The following TMEM94 variants were observed in gnomAD, a reference collection of about 807,000 sequenced individuals.
TMEM94 encodes ER Mg2+ ATPase.
Under a neutral mutation model 158.6 loss-of-function variants are expected in TMEM94, and 81 were observed. That is an observed-to-expected ratio of 0.51 (90% confidence interval 0.43 to 0.61). The LOEUF is 0.61. TMEM94 is among the 20% of genes least tolerant of loss of function. The probability of loss-of-function intolerance (pLI) is 0.00; values close to 1 mark genes in which losing one functional copy is unlikely to be tolerated. For missense variants in TMEM94, 1,435 were observed against 1,762.0 expected, an observed-to-expected ratio of 0.81 and a Z score of 3.32; for synonymous variants, 751 against 730.7, an observed-to-expected ratio of 1.03 and a Z score of -0.45.
At chr17:75,482,170 C>A (rs981110816) in intron 2 of TMEM94, among the ~76,000 whole-genome samples, 1 of 152,056 alleles carries the variant, frequency 6.6e-6, no homozygotes. Context: ...TGGTGAAACT[C>A]GGTCTCTACT....
chr17:75,470,172 G>A (rs897026008), intron 1 of TMEM94, among the ~76,000 whole-genome samples: 8 of 152,174 alleles, frequency 5.3e-5, no homozygotes, highest in African/African-American at 1.4e-4. Flanking sequence ...CTTTGAAAAT[G>A]AAGGTTGAGG....
rs755680575 is a variant in TMEM94 at position 75,495,322 on chromosome 17, G to A, written c.2767G>A (p.Glu923Lys). The A allele has an allele frequency of 6.2e-7, 1 of 1,613,722 alleles. No individual in the cohort carries two copies. The highest frequency in any genetic ancestry group is 8.5e-7 in the Non-Finnish European group (1 of 1,179,888). The stretch of plus-strand genomic sequence containing the variant: ...TGCAGAAGGGCTCCTCCTCATGGAG[G>A]AGGAGGGCCACTCGGACCTCATCAG... ...DDAEGLLLME[E>K]EGHSDLISFQ... The change falls in exon 21 of 32, where the codon GAG becomes AAG. Residue 923 changes from glutamate (E) to lysine (K), a missense_variant. This residue lies in a region of TMEM94 where 1,051 missense variants were observed against 1,254.4 expected (regional missense o/e 0.84). Transcript: ENST00000314256. The surrounding 1 kb of genome is among the most constrained non-coding windows in gnomAD (Gnocchi z 5.6).
chr17:75,496,291 G>A lies in TMEM94; in HGVS notation c.3063G>A (p.Leu1021=). The A allele has an allele frequency of 6.2e-7, 1 of 1,614,192 alleles. No homozygotes were observed. The highest frequency in any genetic ancestry group is 8.5e-7 in the Non-Finnish European group (1 of 1,180,042). ...LFLQSDISIA[L]DPLYPSRCSW... is the part of the protein sequence containing the mutation. Reference sequence around the variant, plus strand: ...CCCCCACCCTGAGCAGCATTGCCCTGGATCCCCTGTACCCATCCCGTTGCT... The same window carrying A: ...CCCCCACCCTGAGCAGCATTGCCCTAGATCCCCTGTACCCATCCCGTTGCT... The change falls in exon 24 of 32, where the codon CTG becomes CTA. Residue 1021 remains leucine (L), a synonymous_variant. Coordinates refer to ENST00000314256, the MANE Select transcript of TMEM94 (RefSeq NM_014738.6).
In TMEM94 at chr17:75,497,762, C is replaced by G; in HGVS notation, c.3408-19C>G. On this transcript the variant is annotated intron_variant, in intron 26 of 31. Transcript: ENST00000314256. ...GAGGGTCATTGTCACCATCCCTCTA[C>G]CTGATCTCTGCTTTTCAGCATCTCT... 1 of 1,602,180 alleles carries G rather than the reference C, an allele frequency of 6.2e-7. No individual in the cohort carries two copies. The highest frequency in any genetic ancestry group is 8.6e-7 in the Non-Finnish European group (1 of 1,169,086).
intron 25 of TMEM94, 132 bp from the exon 26 acceptor site, chr17:75,496,981 C>T (rs2052756925): frequency 1.0e-6 from 1 of 1,004,994 alleles, no homozygotes; most frequent in Non-Finnish European, 1.5e-6. Context: ...GAAGAGTATT[C>T]CCTCCGGCCC....
chr17:75,490,518 C>A (rs1262920513), intron 10 of TMEM94, among the ~76,000 whole-genome samples, 168 bp downstream of exon 10: 1 of 152,244 alleles, frequency 6.6e-6, no homozygotes, highest in Non-Finnish European at 1.5e-5. Flanking sequence ...GGCCTCCAGG[C>A]CAGGCCCTGG....
chr17:75,483,752 C>T (rs1598376474), intron 2 of TMEM94, among the ~76,000 whole-genome samples: 2 of 152,054 alleles, frequency 1.3e-5, no homozygotes. Flanking sequence ...GGCGTGAGTT[C>T]GGCCCGAGTT....
At chr17:75,490,490 C>A in intron 10 of TMEM94, 140 bp downstream of exon 10, 1 of 1,026,332 alleles carries the variant, frequency 9.7e-7, no homozygotes, top group Non-Finnish European at 1.4e-6. Context: ...AGGCCTCGGG[C>A]CCTCTCCATT....
intron 1 of TMEM94, among the ~76,000 whole-genome samples, chr17:75,461,984 A>G (rs913621509): frequency 7.1e-6 from 1 of 139,884 alleles, no homozygotes; most frequent in African/African-American, 2.6e-5. Flanking sequence ...TATAAATTTT[A>G]CAGTTTTTTT....
chr17:75,459,051 C>T (rs894481203), intron 1 of TMEM94, among the ~76,000 whole-genome samples: 17 of 147,864 alleles, frequency 1.1e-4, no homozygotes, highest in Non-Finnish European at 1.6e-4. Context: ...AGCGAGACTC[C>T]GTCTCAAAAA....
chr17:75,493,562 G>A lies in TMEM94; in HGVS notation c.2158G>A (p.Ala720Thr). 2 of 1,614,048 alleles carry A rather than the reference G, an allele frequency of 1.2e-6. No individual in the cohort carries two copies. The highest frequency in any genetic ancestry group is 2.2e-5 in the East Asian group (1 of 44,884). Residue 720 changes from alanine to threonine, a missense_variant, in exon 17 of 32, where the codon GCT becomes ACT. Physicochemically the swap from Ala to Thr is moderately conservative, Grantham distance 58. Coordinates refer to ENST00000314256, the MANE Select transcript of TMEM94 (RefSeq NM_014738.6). ...LEACTDFWDG[A>T]DIYPLSGSDR... Reference sequence around the variant, plus strand: ...GGCCTGCACAGACTTCTGGGACGGAGCTGACATCTACCCTCTCTCGGGATC... The same window carrying A: ...GGCCTGCACAGACTTCTGGGACGGAACTGACATCTACCCTCTCTCGGGATC...
Position 75,484,723 on chromosome 17 carries a change from C to T in TMEM94, c.25-705C>T, listed in dbSNP as rs202163212. On this transcript the variant is annotated intron_variant, in intron 2 of 31. Transcript: ENST00000314256. ...AAAGATAGCATCTCTATGTTAGTTT[C>T]CCTCTCTCCATTTAAAAAAAGATAT... is the stretch of plus-strand genomic sequence containing the variant. Among the ~76,000 whole-genome samples the T allele has an allele frequency of 1.8e-3, 269 of 151,922 alleles. 2 individuals are homozygous for T. Among genetic ancestry groups the T allele is most frequent in the East Asian group, 9.8e-3 (50 of 5,108 alleles).
chr17:75,471,098 G>T (rs1291043966), intron 1 of TMEM94, among the ~76,000 whole-genome samples: 2 of 151,602 alleles, frequency 1.3e-5, no homozygotes, highest in Admixed American at 6.6e-5. Flanking sequence ...TTAGCCGGGC[G>T]TGGTGGCAAG....
chr17:75,493,522 T>A lies in TMEM94; in HGVS notation c.2118T>A (p.Ala706=). The change falls in exon 17 of 32, where the codon GCT becomes GCA. Residue 706 remains alanine, a synonymous_variant. Transcript: ENST00000314256. ...AGCAGATGCTGTCCCATGGCACCGCTGATGTGGTCTTAGAGGCCTGCACAG... is the reference window on the plus strand; with the variant it reads ...AGCAGATGCTGTCCCATGGCACCGCAGATGTGGTCTTAGAGGCCTGCACAG... ...STEQMLSHGT[A]DVVLEACTDF... 1 of 1,614,038 alleles carries A rather than the reference T, an allele frequency of 6.2e-7. No individual in the cohort carries two copies. The highest frequency in any genetic ancestry group is 8.5e-7 in the Non-Finnish European group (1 of 1,180,030).
chr17:75,481,156 GA>G (rs907739978), intron 2 of TMEM94, among the ~76,000 whole-genome samples: 14 of 152,210 alleles, frequency 9.2e-5, no homozygotes, highest in African/African-American at 3.1e-4. Flanking sequence ...GGAGCTCCGG[GA>G]GGCAGTAGGA....
rs1231431192 is a variant in TMEM94, at chr17:75,499,413, T to C, written c.*79T>C. On this transcript the variant is annotated 3_prime_UTR_variant, in exon 32 of 32. Transcript: ENST00000314256. ...CCATTTCTGAACAGGGGAGTTTGTA[T>C]CATGAATGTTTCCAGGTTTGCTCCT... 1 of 1,377,654 alleles carries C rather than the reference T, an allele frequency of 7.3e-7. No homozygotes were observed. The allele number at this position is 1,377,654 out of a possible 1,614,324, so 85.3% of individuals were successfully genotyped here.
intron 9 of TMEM94, 135 bp from the exon 10 acceptor site, chr17:75,490,099 C>A: frequency 1.6e-6 from 2 of 1,277,318 alleles, no homozygotes; most frequent in Non-Finnish European, 2.1e-6. Flanking sequence ...AAAAGAACAC[C>A]TCTTTCCCTT....
rs780597884 is a variant in TMEM94, at chr17:75,498,605, CCCA to C, written c.3734-22_3734-20del. 14 of 1,612,428 alleles carry C rather than the reference CCCA, an allele frequency of 8.7e-6. No homozygotes were observed. In the African/African-American group the frequency reaches 1.2e-4, roughly 14 times the overall value. The stretch of plus-strand genomic sequence containing the variant: ...GGAGCCCCACTGTGGAAGTCTGACC[CCCA>C]CATCGCCCCACCTTCCCCAGTCTTC... On this transcript the variant is annotated intron_variant, in intron 29 of 31. Coordinates refer to ENST00000314256, the MANE Select transcript of TMEM94 (RefSeq NM_014738.6). This position sits in a 1 kb window ranked among gnomAD's most constrained non-coding sequence, Gnocchi z 6.7.
At chr17:75,470,743 AC>A (rs1324536828) in intron 1 of TMEM94, among the ~76,000 whole-genome samples, 1 of 148,854 alleles carries the variant, frequency 6.7e-6, no homozygotes. Context: ...ACATGGTGAA[AC>A]CCTGTCTCAA....
Sources: allele counts gnomAD v4.1 joint callset (sites outside exome capture counted in the v4.1 genomes callset), GRCh38; gene constraint gnomAD v4.1.1; regional missense constraint gnomAD v4.1.1; non-coding constraint Gnocchi (gnomAD v3.1); transcripts MANE v1.5; gene names NCBI Gene and HGNC (gene_info 2026-07-23, HGNC 2026-07-21).